The following ANK3 variants were observed in gnomAD, a reference collection of about 807,000 sequenced individuals.
ANK3 encodes the protein ankyrin-3.
Under a neutral mutation model 370.9 loss-of-function variants are expected in ANK3, and 57 were observed. The observed-to-expected ratio is 0.15, with a 90% CI of 0.12 to 0.19. The LOEUF (loss-of-function observed/expected upper bound fraction) is 0.19, where lower values mean the gene tolerates loss of function less well. Ranked by LOEUF, ANK3 falls within the 10% of genes least tolerant of loss-of-function variation. The pLI is 1.00. For missense variants in ANK3, 4,439 were observed against 5,302.1 expected (o/e 0.84, Z 5.06); for synonymous variants, 1,929 against 1,946.3 (o/e 0.99, Z 0.23).
chr10:60,436,546 T>C (rs944111921), intron 2 of ANK3, among the ~76,000 whole-genome samples: 3 of 152,224 alleles, frequency 2.0e-5, no homozygotes, highest in Non-Finnish European at 4.4e-5. Flanking sequence ...TTAGATTTCC[T>C]TGATGGCTAA....
At chr10:60,169,364 GTTTTTTTT>G (rs71015773) in intron 21 of ANK3, among the ~76,000 whole-genome samples, 2 of 51,902 alleles carry the variant, frequency 3.9e-5, no homozygotes, top group African/African-American at 7.4e-5. Context: ...TTGTCTCATA[GTTTTTTTT>G]TTTTTTTTTT....
intron 13 of ANK3, among the ~76,000 whole-genome samples, chr10:60,198,748 T>C (rs528191717): frequency 1.3e-5 from 2 of 152,260 alleles, no homozygotes; most frequent in East Asian, 3.9e-4. Context: ...GAGTGACTCA[T>C]TAATAAGAAA....
In ANK3 at chr10:60,028,200, T is replaced by TTTAA. The variant is rs2072523976; in HGVS notation, c.*1642_*1645dup. ...GGCAAAGCTTACTTGTCAATTAATC[T>TTTAA]TTAATTCTTGGCTCCCCCATGAAAT... On this transcript the variant is annotated 3_prime_UTR_variant, in exon 44 of 44. Coordinates refer to ENST00000280772, the MANE Select transcript of ANK3 (RefSeq NM_020987.5). The TTTAA allele has an allele frequency of 6.6e-6, 1 of 152,302 alleles. No homozygotes were observed. Among genetic ancestry groups the TTTAA allele is most frequent in the Admixed American group, 6.5e-5 (1 of 15,278 alleles). The allele number at this position is 152,302 out of a possible 1,614,324, so 9.4% of individuals were successfully genotyped here.
chr10:60,552,876 G>A (rs1240786098), intron 2 of ANK3, among the ~76,000 whole-genome samples: 1 of 152,144 alleles, frequency 6.6e-6, no homozygotes, highest in East Asian at 1.9e-4. Flanking sequence ...TAGTGAATGG[G>A]TCTCATGAGA....
intron 2 of ANK3, among the ~76,000 whole-genome samples, chr10:60,418,943 G>A (rs116355536): frequency 2.8e-4 from 42 of 152,174 alleles, no homozygotes; most frequent in African/African-American, 9.6e-4. Context: ...TGAAGGCATA[G>A]TGTTAGAGTT....
intron 2 of ANK3, among the ~76,000 whole-genome samples, chr10:60,610,856 AT>A (rs1236535246): frequency 6.6e-6 from 1 of 152,136 alleles, no homozygotes; most frequent in Non-Finnish European, 1.5e-5. Flanking sequence ...GAAAAATTAG[AT>A]TTTCTCAGGG....
At chr10:60,295,388 C>T (rs969645432) in intron 1 of ANK3, among the ~76,000 whole-genome samples, 11 of 152,066 alleles carry the variant, frequency 7.2e-5, no homozygotes, top group African/African-American at 2.7e-4. Flanking sequence ...TAATACATGC[C>T]GAGCAGTTAG....
chr10:60,029,549 T>C lies in ANK3; in HGVS notation c.*297A>G, dbSNP rs1240103682. On this transcript the variant is annotated 3_prime_UTR_variant, in exon 44 of 44. Coordinates refer to ENST00000280772, the MANE Select transcript of ANK3 (RefSeq NM_020987.5). ...CCTTTTGTAAATGACACCAAATTAC[T>C]TGAGATAAACTGTTAACAGCATGGC... is the stretch of plus-strand genomic sequence containing the variant. 1.3e-5 allele frequency: 2 copies of C among 152,656 alleles called. No homozygotes were observed. The highest frequency in any genetic ancestry group is 2.4e-5 in the African/African-American group (1 of 41,464). 9.5% of individuals were successfully genotyped at this position (152,656 alleles called of 1,614,324 possible).
At chr10:60,354,230 G>A (rs759590235) in intron 1 of ANK3, among the ~76,000 whole-genome samples, 10 of 152,178 alleles carry the variant, frequency 6.6e-5, no homozygotes, top group Non-Finnish European at 1.5e-4. Context: ...AGAAATGTGA[G>A]AGAAGATCTG....
At chr10:60,703,469 T>C (rs1340988315) in intron 1 of ANK3, among the ~76,000 whole-genome samples, 1 of 152,200 alleles carries the variant, frequency 6.6e-6, no homozygotes, top group Non-Finnish European at 1.5e-5. Flanking sequence ...GAGTTCATTC[T>C]ACTACTCTGT....
intron 30 of ANK3, 25 bp downstream of exon 30, chr10:60,086,651 GA>G: frequency 6.4e-7 from 1 of 1,570,692 alleles, no homozygotes; most frequent in African/African-American, 1.4e-5. Context: ...GAATCAATAG[GA>G]AGTACAGCAG....
intron 1 of ANK3, among the ~76,000 whole-genome samples, chr10:60,365,413 A>C (rs2059259955): frequency 6.6e-6 from 1 of 152,206 alleles, no homozygotes; most frequent in African/African-American, 2.4e-5. Flanking sequence ...GTTGTAAAAT[A>C]AATCTCTAAA....
intron 7 of ANK3, among the ~76,000 whole-genome samples, chr10:60,249,143 G>C (rs760684683): frequency 2.0e-4 from 30 of 152,140 alleles, no homozygotes; most frequent in South Asian, 8.3e-4. Context: ...CAGCTAGAAA[G>C]ATCTATGAGT....
At chr10:60,576,970 A>G (rs1239993775) in intron 2 of ANK3, among the ~76,000 whole-genome samples, 1 of 152,342 alleles carries the variant, frequency 6.6e-6, no homozygotes, top group East Asian at 1.9e-4. Flanking sequence ...GAAATTTGAG[A>G]TGATATTCAA....
chr10:60,076,121 T>G lies in ANK3; in HGVS notation c.4760A>C (p.Gln1587Pro). 1.9e-6 allele frequency: 3 copies of G among 1,614,198 alleles called. No individual in the cohort carries two copies. In the South Asian group the frequency reaches 3.3e-5, roughly 18 times the overall value. The change falls in exon 37 of 44, where the codon CAA becomes CCA. Residue 1587 changes from glutamine to proline, a missense_variant. Gln to Pro is a moderately conservative substitution (Grantham distance 76, BLOSUM62 -1). Coordinates refer to ENST00000280772, the MANE Select transcript of ANK3 (RefSeq NM_020987.5). ...GGAAACTTGGATATTGTATGGAGAT[T>G]GTGACACCACAGTTTTTATCGGCGA... ...MSSPIKTVVS[Q>P]SPYNIQVSSG... is the part of the protein sequence containing the mutation.
At chr10:60,505,862 T>G (rs1234746069) in intron 2 of ANK3, among the ~76,000 whole-genome samples, 1 of 152,102 alleles carries the variant, frequency 6.6e-6, no homozygotes, top group African/African-American at 2.4e-5. Flanking sequence ...TTAAATATAT[T>G]GCGATCTCAA....
At chr10:60,038,496 GA>G (rs1461746342) in intron 43 of ANK3, among the ~76,000 whole-genome samples, 2 of 152,050 alleles carry the variant, frequency 1.3e-5, no homozygotes, top group Non-Finnish European at 2.9e-5. Context: ...TGACAAACTG[GA>G]CCTAATTAAG....
chr10:60,474,169 C>A (rs2074994613), intron 2 of ANK3, among the ~76,000 whole-genome samples: 1 of 151,834 alleles, frequency 6.6e-6, no homozygotes, highest in African/African-American at 2.4e-5. Flanking sequence ...ATAAATATTT[C>A]CAAAGAAATT....
chr10:60,691,525 T>C (rs1340631808), intron 1 of ANK3, among the ~76,000 whole-genome samples: 5 of 152,156 alleles, frequency 3.3e-5, no homozygotes, highest in African/African-American at 1.2e-4. Flanking sequence ...TTGCCACTTT[T>C]CACTTACTTA....
Sources: gnomAD v4.1 joint callset for allele counts (sites outside exome capture counted in the v4.1 genomes callset) on GRCh38, gnomAD v4.1.1 for gene constraint, MANE v1.5 for transcripts, NCBI Gene and HGNC (gene_info 2026-07-23, HGNC 2026-07-21) for gene names.